Variants in TRPS1 observed in about 807,000 individuals in gnomAD.
TRPS1 encodes the protein transcriptional repressor GATA binding 1, also known as zinc finger transcription factor Trps1.
Under a neutral mutation model 101.2 loss-of-function variants are expected in TRPS1, and 6 were observed. The observed-to-expected ratio is 0.06, with a 90% CI of 0.03 to 0.12. The LOEUF is 0.12. Among genes scored for constraint, TRPS1 ranks in the 10% least tolerant of loss-of-function variants. The probability of loss-of-function intolerance (pLI) is 1.00; values close to 1 mark genes in which losing one functional copy is unlikely to be tolerated. For missense variants in TRPS1, 1,363 were observed against 1,567.0 expected (o/e 0.87, Z 2.20); for synonymous variants, 578 against 589.8 (o/e 0.98, Z 0.29).
intron 5 of TRPS1, among the ~76,000 whole-genome samples, chr8:115,580,245 A>AAAAATATATAT (rs1554591592): frequency 8.6e-5 from 12 of 139,868 alleles, no homozygotes; most frequent in African/African-American, 3.2e-4. Flanking sequence ...AAAAAAAAAA[A>AAAAATATATAT]ATATATATAT....
At chr8:115,486,463 C>A (rs1421973989) in intron 5 of TRPS1, among the ~76,000 whole-genome samples, 7 of 152,162 alleles carry the variant, frequency 4.6e-5, no homozygotes, top group African/African-American at 1.7e-4. Context: ...AAGGAAAAAA[C>A]AGAAATGATT....
At chr8:115,421,075 C>G (rs1201256560) in intron 5 of TRPS1, among the ~76,000 whole-genome samples, 1 of 151,860 alleles carries the variant, frequency 6.6e-6, no homozygotes, top group Non-Finnish European at 1.5e-5. Flanking sequence ...ACCTCCACCT[C>G]CCGGGTTCAA....
intron 5 of TRPS1, among the ~76,000 whole-genome samples, chr8:115,486,005 T>C (rs957217403): frequency 6.6e-6 from 1 of 152,224 alleles, no homozygotes; most frequent in East Asian, 1.9e-4. Context: ...CTTTGTCTTA[T>C]TAGGCTTTGC....
intron 5 of TRPS1, among the ~76,000 whole-genome samples, chr8:115,526,325 T>C (rs573880889): frequency 1.7e-4 from 26 of 152,022 alleles, no homozygotes; most frequent in South Asian, 1.0e-3. Context: ...AGAAAGGAGA[T>C]AAAGAATGTT....
At chr8:115,654,623 G>T (rs941669205) in intron 1 of TRPS1, among the ~76,000 whole-genome samples, 10 of 152,088 alleles carry the variant, frequency 6.6e-5, no homozygotes, top group African/African-American at 2.2e-4. Flanking sequence ...AAATGTTAAA[G>T]CTGCTTTAAG....
At chr8:115,537,920 G>A (rs1229527601) in intron 5 of TRPS1, among the ~76,000 whole-genome samples, 3 of 152,158 alleles carry the variant, frequency 2.0e-5, no homozygotes, top group African/African-American at 4.8e-5. Flanking sequence ...TTGGTGCTAT[G>A]TTGACTACTG....
intron 1 of TRPS1, among the ~76,000 whole-genome samples, chr8:115,648,363 C>T (rs1485666315): frequency 6.6e-6 from 1 of 152,210 alleles, no homozygotes; most frequent in Non-Finnish European, 1.5e-5. Context: ...AACGGGCGCA[C>T]ACAACTGCTT....
intron 1 of TRPS1, among the ~76,000 whole-genome samples, chr8:115,651,629 T>A (rs535038389): frequency 1.1e-3 from 161 of 152,300 alleles, no homozygotes; most frequent in African/African-American, 3.7e-3. Flanking sequence ...TAGCTTCTGG[T>A]ATGAGCTATG....
chr8:115,414,776 C>T lies in TRPS1; in HGVS notation c.3132G>A (p.Arg1044=). ...TTATCTGAATGTGCAAAGGTTGCAT[C>T]CTTTTGTGAATATCCAGAGTTTGGC... is the stretch of plus-strand genomic sequence containing the variant. The part of the protein sequence containing the change: ...LVSQTLDIHK[R]MQPLHIQIKS... Residue 1044 remains arginine (R), a synonymous_variant, in exon 7 of 7, where the codon AGG becomes AGA. Coordinates refer to ENST00000395715, the MANE Select transcript of TRPS1 (RefSeq NM_014112.5). This position sits in a 1 kb window ranked among gnomAD's most constrained non-coding sequence, Gnocchi z 4.8. 6.2e-7 allele frequency: 1 copy of T among 1,614,028 alleles called. No individual in the cohort carries two copies. Among genetic ancestry groups the T allele is most frequent in the Non-Finnish European group, 8.5e-7 (1 of 1,179,936 alleles).
At chr8:115,538,701 C>A (rs1193499536) in intron 5 of TRPS1, among the ~76,000 whole-genome samples, 2 of 151,750 alleles carry the variant, frequency 1.3e-5, no homozygotes, top group African/African-American at 2.4e-5. Context: ...TGCTAGATAC[C>A]ATATGTTTTC....
chr8:115,421,710 G>C (rs776880344), intron 5 of TRPS1, among the ~76,000 whole-genome samples: 3 of 152,122 alleles, frequency 2.0e-5, no homozygotes, highest in African/African-American at 4.8e-5. Context: ...AAAATTTCTG[G>C]AAGTAGCAGA....
chr8:115,624,847 C>T (rs1407010294), intron 1 of TRPS1, among the ~76,000 whole-genome samples: 2 of 151,720 alleles, frequency 1.3e-5, no homozygotes, highest in African/African-American at 4.8e-5. Flanking sequence ...AAAAGACTGA[C>T]TGATGTTCTC....
At chr8:115,606,182 G>A (rs186270308) in intron 3 of TRPS1, among the ~76,000 whole-genome samples, 16 of 152,184 alleles carry the variant, frequency 1.1e-4, no homozygotes, top group African/African-American at 3.4e-4. Flanking sequence ...TCAAAATCAC[G>A]TAAAGGCTCT....
chr8:115,644,170 A>G (rs1818962968), intron 1 of TRPS1, among the ~76,000 whole-genome samples: 1 of 152,222 alleles, frequency 6.6e-6, no homozygotes, highest in African/African-American at 2.4e-5. Flanking sequence ...TAAATGAGCA[A>G]TGGATTCTAC....
chr8:115,537,536 AAAATTTATTT>A (rs1816351136), intron 5 of TRPS1, among the ~76,000 whole-genome samples: 1 of 152,212 alleles, frequency 6.6e-6, no homozygotes, highest in Non-Finnish European at 1.5e-5. Flanking sequence ...ATGCCTCTGC[AAAATTTATTT>A]AAATACCATG....
chr8:115,661,258 A>T (rs990974349), intron 1 of TRPS1, among the ~76,000 whole-genome samples: 1 of 152,070 alleles, frequency 6.6e-6, no homozygotes, highest in Non-Finnish European at 1.5e-5. Flanking sequence ...CTCCATACTC[A>T]TTTCAAACTT....
At chr8:115,487,996 C>T (rs556072093) in intron 5 of TRPS1, among the ~76,000 whole-genome samples, 7 of 152,140 alleles carry the variant, frequency 4.6e-5, no homozygotes, top group East Asian at 3.9e-4. Flanking sequence ...AAATCTTTCA[C>T]GAAAAGAAGA....
chr8:115,657,063 A>C (rs1407904213), intron 1 of TRPS1, among the ~76,000 whole-genome samples: 2 of 152,174 alleles, frequency 1.3e-5, no homozygotes, highest in African/African-American at 4.8e-5. Context: ...AAAATCTAAA[A>C]CATTTTAAAG....
chr8:115,475,815 G>A (rs190318552), intron 5 of TRPS1, among the ~76,000 whole-genome samples: 4,884 of 152,098 alleles, frequency 0.032, 251 homozygotes, highest in African/African-American at 0.11. Context: ...TATGTGGGAG[G>A]AGTTCTACAT....
Sources: gnomAD v4.1 joint callset for allele counts (sites outside exome capture counted in the v4.1 genomes callset) on GRCh38, gnomAD v4.1.1 for gene constraint, Gnocchi (gnomAD v3.1) non-coding constraint, MANE v1.5 for transcripts, NCBI Gene and HGNC (gene_info 2026-07-23, HGNC 2026-07-21) for gene names.